The following CCNH variants were observed in gnomAD, a reference collection of about 807,000 sequenced individuals.
CCNH encodes cyclin-H.
A neutral mutation model predicts 41.9 loss-of-function variants in CCNH; 31 were observed. That is an observed-to-expected ratio of 0.74 (90% CI 0.56 to 1.00). The LOEUF is 1.00. Ranked by LOEUF, CCNH falls within the 50% of genes least tolerant of loss-of-function variation. CCNH has a pLI of 0.00. For synonymous variants in CCNH, 138 were observed against 136.1 expected, an observed-to-expected ratio of 1.01 and a Z score of -0.10; for missense variants, 362 against 388.4, an observed-to-expected ratio of 0.93 and a Z score of 0.57.
chr5:87,377,245 TTTGGC>T (rs2112492833), upstream of CCNH: 1 of 648,474 alleles, frequency 1.5e-6, no homozygotes, highest in East Asian at 3.0e-5. Flanking sequence ...TAATGTAGGT[TTTGGC>T]AGATAAGTAC....
intron 4 of CCNH, among the ~76,000 whole-genome samples, chr5:87,405,664 C>G (rs766961057): frequency 5.5e-4 from 84 of 152,042 alleles, no homozygotes; most frequent in Non-Finnish European, 9.6e-4. Context: ...ACCACAATGC[C>G]TCCCTTTCTA....
chr5:87,392,227 G>A, downstream of CCNH: 1 of 455,386 alleles, frequency 2.2e-6, no homozygotes, highest in Non-Finnish European at 4.4e-6. Context: ...TAGATTCCAA[G>A]AGCAACACTT....
At chr5:87,396,467 A>C (rs1374133688) in intron 7 of CCNH, among the ~76,000 whole-genome samples, 1 of 151,528 alleles carries the variant, frequency 6.6e-6, no homozygotes, top group Non-Finnish European at 1.5e-5. Context: ...CTAAAAATAC[A>C]AAAAAAAATT....
At chr5:87,353,285 C>CTA in intron 9 of CCNH, 2 of 1,421,216 alleles carry the variant, frequency 1.4e-6, no homozygotes, top group Non-Finnish European at 2.0e-6. Flanking sequence ...TTTTAAAATG[C>CTA]ATTTTGGTGG....
chr5:87,394,048 AG>A (rs978840533), downstream of CCNH: 1 of 160,234 alleles, frequency 6.2e-6, no homozygotes, highest in Non-Finnish European at 1.3e-5. Context: ...TAAATATATC[AG>A]GATGGCATTC....
At chr5:87,403,492 T>C (rs181735020) in intron 5 of CCNH, among the ~76,000 whole-genome samples, 146 of 152,294 alleles carry the variant, frequency 9.6e-4, no homozygotes, top group Non-Finnish European at 1.8e-3. Flanking sequence ...GAATGAAGTC[T>C]GCAGGCCAGG....
chr5:87,372,895 T>A (rs185683064), downstream of CCNH, among the ~76,000 whole-genome samples: 1 of 152,286 alleles, frequency 6.6e-6, no homozygotes, highest in African/African-American at 2.4e-5. Flanking sequence ...AACATACTGT[T>A]CTACTGGGAG....
intron 9 of CCNH, among the ~76,000 whole-genome samples, chr5:87,355,351 C>A (rs1296897901): frequency 6.6e-6 from 1 of 152,124 alleles, no homozygotes; most frequent in Non-Finnish European, 1.5e-5. Context: ...TTCTGAAAAT[C>A]CTAGGAGCAT....
At chr5:87,355,969 T>C (rs1038474805) in intron 9 of CCNH, among the ~76,000 whole-genome samples, 5 of 152,220 alleles carry the variant, frequency 3.3e-5, no homozygotes, top group African/African-American at 4.8e-5. Flanking sequence ...TACTCCACTT[T>C]TGTGATGAAA....
At chr5:87,412,384 T>G in intron 1 of CCNH, 4 of 1,146,082 alleles carry the variant, frequency 3.5e-6, no homozygotes, top group Non-Finnish European at 4.3e-6. Flanking sequence ...CAACATCATC[T>G]CTTGACAAGT....
chr5:87,400,242 G>C (rs3093823), intron 6 of CCNH, among the ~76,000 whole-genome samples: 1 of 152,116 alleles, frequency 6.6e-6, no homozygotes, highest in African/African-American at 2.4e-5. Flanking sequence ...AAACAAAGCA[G>C]TATTTTTAAC....
chr5:87,324,309 A>G (rs759438183), intron 9 of CCNH, among the ~76,000 whole-genome samples: 31 of 152,080 alleles, frequency 2.0e-4, no homozygotes, highest in African/African-American at 7.2e-4. Context: ...CTCTCTTTCA[A>G]CATTTGATCA....
downstream of CCNH, chr5:87,393,822 AAT>A (rs1457731470): frequency 6.6e-6 from 1 of 152,048 alleles, no homozygotes; most frequent in Non-Finnish European, 1.5e-5. Context: ...ACCACAACTG[AAT>A]ATACAATTTG....
intron 9 of CCNH, among the ~76,000 whole-genome samples, chr5:87,364,813 G>A (rs1276907739): frequency 6.6e-6 from 1 of 152,094 alleles, no homozygotes; most frequent in East Asian, 1.9e-4. Flanking sequence ...AAAACATTCT[G>A]TTGAGCCACC....
upstream of CCNH, among the ~76,000 whole-genome samples, chr5:87,378,159 A>G (rs1761450423): frequency 6.6e-6 from 1 of 152,214 alleles, no homozygotes; most frequent in South Asian, 2.1e-4. Context: ...CCATATGAAC[A>G]TGGCAGTGTT....
At chr5:87,372,266 T>G, downstream of CCNH, 7 of 1,419,864 alleles carry the variant, frequency 4.9e-6, no homozygotes, top group Non-Finnish European at 6.9e-6. Flanking sequence ...TTATTTTATT[T>G]TTATCTGAAC....
chr5:87,331,357 C>G, intron 9 of CCNH: 1 of 1,607,990 alleles, frequency 6.2e-7, no homozygotes. Flanking sequence ...GGTGGTATCA[C>G]GGAAAACTTG....
downstream of CCNH, among the ~76,000 whole-genome samples, chr5:87,317,977 T>A (rs1010435180): frequency 6.6e-6 from 1 of 152,166 alleles, no homozygotes; most frequent in Non-Finnish European, 1.5e-5. Context: ...CCATTTTTTT[T>A]AGAGCTTTGC....
intron 9 of CCNH, among the ~76,000 whole-genome samples, chr5:87,340,952 A>G (rs548883788): frequency 1.2e-4 from 18 of 152,186 alleles, no homozygotes; most frequent in Non-Finnish European, 2.6e-4. Context: ...TGTAGGCAGT[A>G]GAGAGGTGTT....
Sources: gnomAD v4.1 joint callset for allele counts (sites outside exome capture counted in the v4.1 genomes callset) on GRCh38, gnomAD v4.1.1 for gene constraint, MANE v1.5 for transcripts, NCBI Gene and HGNC (gene_info 2026-07-23, HGNC 2026-07-21) for gene names.